The following DNAH6 variants were observed in gnomAD, a reference collection of about 807,000 sequenced individuals.
The protein encoded by DNAH6 is dynein axonemal heavy chain 6.
In DNAH6, 340 loss-of-function variants were observed where a neutral mutation model predicts 491.4. The observed-to-expected ratio is 0.69, with a 90% CI of 0.63 to 0.76. The LOEUF is 0.76. DNAH6 is among the 30% of genes least tolerant of loss of function. The pLI, the probability that DNAH6 is intolerant of heterozygous loss-of-function variation, is 0.00. For synonymous variants in DNAH6, 1,603 were observed against 1,686.1 expected, an observed-to-expected ratio of 0.95 and a Z score of 1.21; for missense variants, 4,443 against 4,972.2, an observed-to-expected ratio of 0.89 and a Z score of 3.20.
At chr2:84,695,293 G>A (rs1695270075) in intron 46 of DNAH6, among the ~76,000 whole-genome samples, 1 of 152,084 alleles carries the variant, frequency 6.6e-6, no homozygotes, top group Non-Finnish European at 1.5e-5. Context: ...GAAGGAAATT[G>A]TAATAAATAA....
chr2:84,558,053 T>G (rs1680242699), intron 11 of DNAH6, 118 bp downstream of exon 11: 1 of 588,758 alleles, frequency 1.7e-6, no homozygotes, highest in Admixed American at 3.3e-5. Flanking sequence ...GGCATATGCC[T>G]AAATCTCTAA....
rs143013494 is a variant in DNAH6 at position 84,549,989 on chromosome 2, C to G, written c.1417C>G (p.Arg473Gly). The change falls in exon 9 of 77, where the codon CGA becomes GGA. Residue 473 changes from arginine to glycine, a missense_variant. Coordinates refer to ENST00000389394, the MANE Select transcript of DNAH6 (RefSeq NM_001370.2). Reference sequence around the variant, plus strand: ...GAACCATCTCACTGACAAGCTAAAACGAACACCTTCAGCAGATGTCATTCA... The same window carrying G: ...GAACCATCTCACTGACAAGCTAAAAGGAACACCTTCAGCAGATGTCATTCA... ...LLNHLTDKLK[R>G]TPSADVIQKW... The G allele has an allele frequency of 4.2e-5, 67 of 1,613,792 alleles. 1 individual carries two copies. In the Admixed American group the frequency reaches 5.7e-4, roughly 14 times the overall value.
intron 12 of DNAH6, among the ~76,000 whole-genome samples, chr2:84,574,696 C>T (rs964535345): frequency 1.3e-5 from 2 of 152,080 alleles, no homozygotes; most frequent in African/African-American, 4.8e-5. Context: ...AGAAGCATAC[C>T]GACAGGGACG....
chr2:84,664,518 A>G (rs372987176), intron 37 of DNAH6, among the ~76,000 whole-genome samples: 2 of 152,130 alleles, frequency 1.3e-5, no homozygotes, highest in South Asian at 2.1e-4. Context: ...ATTACATAAT[A>G]GTAAAGGGAT....
chr2:84,640,553 G>A lies in DNAH6; in HGVS notation c.4945G>A (p.Val1649Met). Residue 1649 changes from valine (V) to methionine (M), a missense_variant, in exon 32 of 77, where the codon GTG becomes ATG. This residue lies in a region of DNAH6 where 2,977 missense variants were observed against 3,296.6 expected (regional missense o/e 0.90). Coordinates refer to ENST00000389394, the MANE Select transcript of DNAH6 (RefSeq NM_001370.2). ...TCACTACGACTTTGGCATGAGAGCT[G>A]TGAAGTCTGTCCTGGTCATGGCTGG... ...QDHYDFGMRA[V>M]KSVLVMAGSL... The A allele has an allele frequency of 6.4e-7, 1 of 1,550,694 alleles. No homozygotes were observed. Among genetic ancestry groups the A allele is most frequent in the Non-Finnish European group, 8.7e-7 (1 of 1,146,444 alleles).
chr2:84,622,580 A>G (rs1187288644), intron 26 of DNAH6, among the ~76,000 whole-genome samples: 2 of 152,104 alleles, frequency 1.3e-5, no homozygotes, highest in African/African-American at 4.8e-5. Flanking sequence ...TCATCCATTG[A>G]TGGACACTTG....
chr2:84,624,713 AATTTATTATG>A (rs1687698960), intron 28 of DNAH6, 93 bp downstream of exon 28: 6 of 1,380,250 alleles, frequency 4.3e-6, no homozygotes, highest in Non-Finnish European at 5.9e-6. Flanking sequence ...CTCTTGAAAG[AATTTATTATG>A]AATACATCTT....
chr2:84,473,667 A>C, the DNAH6 span, among the ~76,000 whole-genome samples: 3 of 152,188 alleles, frequency 2.0e-5, no homozygotes, highest in African/African-American at 7.2e-5. Flanking sequence ...AATGTCTCCT[A>C]ATAATTTTTG....
intron 16 of DNAH6, among the ~76,000 whole-genome samples, chr2:84,589,460 C>T (rs1375099857): frequency 6.6e-6 from 1 of 152,056 alleles, no homozygotes; most frequent in Non-Finnish European, 1.5e-5. Flanking sequence ...GCCTGTAATC[C>T]CAGCACTTTG....
At chr2:84,642,413 A>G (rs1689499097) in intron 33 of DNAH6, among the ~76,000 whole-genome samples, 1 of 152,130 alleles carries the variant, frequency 6.6e-6, no homozygotes, top group Admixed American at 6.5e-5. Flanking sequence ...TTAGTTTTAC[A>G]TTTCTCCACG....
At chr2:84,632,050 T>C (rs1284991443) in intron 29 of DNAH6, among the ~76,000 whole-genome samples, 1 of 152,214 alleles carries the variant, frequency 6.6e-6, no homozygotes, top group East Asian at 1.9e-4. Context: ...GTCCTGGTTA[T>C]CTTTGGCCTG....
In DNAH6 at chr2:84,753,555, C is replaced by T. The variant is rs574584470; in HGVS notation, c.10512+8306C>T. Among the ~76,000 whole-genome samples, 13 of 151,772 alleles carry T rather than the reference C, an allele frequency of 8.6e-5. No homozygotes were observed. The South Asian group carries it at 1.0e-3, about 12-fold the overall frequency. On this transcript the variant is annotated intron_variant, in intron 63 of 76. Coordinates refer to ENST00000389394, the MANE Select transcript of DNAH6 (RefSeq NM_001370.2). Reference sequence around the variant, plus strand: ...GGCAGATCACCTGAGGTCGGGAGTTCGAGACCAGCCTGACCAACATGGAGA... The same window carrying T: ...GGCAGATCACCTGAGGTCGGGAGTTTGAGACCAGCCTGACCAACATGGAGA...
intron 41 of DNAH6, among the ~76,000 whole-genome samples, chr2:84,678,881 A>G (rs969592415): frequency 1.8e-4 from 28 of 152,338 alleles, no homozygotes; most frequent in African/African-American, 5.8e-4. Flanking sequence ...TTCAGGTGGG[A>G]AAGAATATTG....
the DNAH6 span, among the ~76,000 whole-genome samples, chr2:84,492,512 C>G: frequency 6.6e-6 from 1 of 152,128 alleles, no homozygotes; most frequent in African/African-American, 2.4e-5. Flanking sequence ...TGCTTAGAGT[C>G]CACCTTTATT....
intron 23 of DNAH6, among the ~76,000 whole-genome samples, chr2:84,619,110 A>T (rs554919738): frequency 2.0e-5 from 3 of 152,334 alleles, no homozygotes; most frequent in Non-Finnish European, 2.9e-5. Context: ...CTACATAGGT[A>T]TAGCCTCACA....
chr2:84,515,183 C>CG (rs1454600029), upstream of DNAH6, among the ~76,000 whole-genome samples: 4 of 152,152 alleles, frequency 2.6e-5, no homozygotes, highest in Admixed American at 6.5e-5. Flanking sequence ...ATTTTACTAG[C>CG]TGACTAGTTT....
chr2:84,475,295 G>A, the DNAH6 span, among the ~76,000 whole-genome samples: 1 of 152,168 alleles, frequency 6.6e-6, no homozygotes, highest in Non-Finnish European at 1.5e-5. Context: ...TTGTACATTT[G>A]TAAGGGCACT....
At chr2:84,817,963 C>T (rs1435584675) in intron 76 of DNAH6, among the ~76,000 whole-genome samples, 1 of 152,116 alleles carries the variant, frequency 6.6e-6, no homozygotes, top group Non-Finnish European at 1.5e-5. Flanking sequence ...TCCATTAAGC[C>T]CCATCTCCAA....
At chr2:84,604,203 T>C in intron 18 of DNAH6, 136 bp from the exon 19 acceptor site, 1 of 674,680 alleles carries the variant, frequency 1.5e-6, no homozygotes, top group East Asian at 2.7e-5. Flanking sequence ...TTTGCAGTCA[T>C]CCAGATTTTG....
Sources: allele counts gnomAD v4.1 joint callset (sites outside exome capture counted in the v4.1 genomes callset), GRCh38; gene constraint gnomAD v4.1.1; regional missense constraint gnomAD v4.1.1; transcripts MANE v1.5; gene names NCBI Gene and HGNC (gene_info 2026-07-23, HGNC 2026-07-21).